The following GDI2 variants were observed in gnomAD, a reference collection of about 807,000 sequenced individuals.
GDI2 encodes GDP dissociation inhibitor 2.
A neutral mutation model predicts 54.2 loss-of-function variants in GDI2; 22 were observed. The observed-to-expected ratio is 0.41, with a 90% CI of 0.29 to 0.58. GDI2 has a LOEUF of 0.58. Ranked by LOEUF, GDI2 falls within the 20% of genes least tolerant of loss-of-function variation. GDI2 has a pLI of 0.35. For missense variants in GDI2, 422 were observed against 546.0 expected (o/e 0.77, Z 2.26); for synonymous variants, 177 against 182.1 (o/e 0.97, Z 0.23).
intron 4 of GDI2, among the ~76,000 whole-genome samples, chr10:5,794,228 TATATAA>T (rs1241103138): frequency 1.1e-5 from 1 of 90,950 alleles, no homozygotes; most frequent in African/African-American, 4.3e-5. Flanking sequence ...TATATATATA[TATATAA>T]AACTCACCAG....
chr10:5,786,457 G>GCGCCTAAA (rs1840883483), intron 4 of GDI2, among the ~76,000 whole-genome samples: 2 of 151,828 alleles, frequency 1.3e-5, no homozygotes, highest in African/African-American at 4.8e-5. Flanking sequence ...ATGAGCCACC[G>GCGCCTAAA]CGCCTAAAAT....
At chr10:5,805,107 C>T (rs1841347512) in intron 1 of GDI2, among the ~76,000 whole-genome samples, 2 of 152,110 alleles carry the variant, frequency 1.3e-5, no homozygotes, top group African/African-American at 4.8e-5. Flanking sequence ...GCTGTGATTA[C>T]AGGGGTGAGC....
intron 7 of GDI2, among the ~76,000 whole-genome samples, chr10:5,772,475 G>A (rs2131683507): frequency 6.6e-6 from 1 of 152,304 alleles, no homozygotes; most frequent in South Asian, 2.1e-4. Context: ...CAGTCTAGAA[G>A]GCCAGGCACA....
chr10:5,789,484 T>C (rs1354699286), intron 4 of GDI2, among the ~76,000 whole-genome samples: 1 of 151,924 alleles, frequency 6.6e-6, no homozygotes, highest in African/African-American at 2.4e-5. Flanking sequence ...TTCCCAGGTG[T>C]GAACATAGCA....
chr10:5,772,621 G>A (rs1564388516), intron 7 of GDI2, among the ~76,000 whole-genome samples: 1 of 152,124 alleles, frequency 6.6e-6, no homozygotes, highest in Non-Finnish European at 1.5e-5. Context: ...GCCAGGCATG[G>A]TGGCATGCAT....
chr10:5,797,041 T>C (rs1427382489), intron 2 of GDI2, among the ~76,000 whole-genome samples, 179 bp from the exon 3 acceptor site: 1 of 152,170 alleles, frequency 6.6e-6, no homozygotes, highest in Non-Finnish European at 1.5e-5. Flanking sequence ...TATATGTAAA[T>C]TAATTACTAA....
chr10:5,794,185 AAAAATATATATATATATATATATATAT>A lies in GDI2; in HGVS notation c.388+673_388+699del, dbSNP rs1466673539. On this transcript the variant is annotated intron_variant, in intron 4 of 10. Coordinates refer to ENST00000380191, the MANE Select transcript of GDI2 (RefSeq NM_001494.4). ...CTGTCTTTAAAAGAAAAAAAAAAAA[AAAAATATATATATATATATATATATAT>A]ATATATATATATATATATATAAAAC... 6.6e-4 allele frequency among the ~76,000 whole-genome samples: 31 copies of A among 46,872 alleles called. 4 individuals carry two copies. The highest frequency in any genetic ancestry group is 9.7e-4 in the Admixed American group (3 of 3,108). The allele number at this position is 46,872 out of a possible 152,430, so 30.7% of individuals were successfully genotyped here. A position where few individuals can be genotyped will look rare whatever the true frequency, so the allele number is the denominator to read the frequency against.
chr10:5,794,793 T>A, intron 4 of GDI2, 92 bp downstream of exon 4: 1 of 838,378 alleles, frequency 1.2e-6, no homozygotes, highest in South Asian at 1.6e-5. Flanking sequence ...AAATATTTGT[T>A]GACTGGGTCC....
chr10:5,785,100 A>G, intron 6 of GDI2, 42 bp downstream of exon 6: 2 of 1,449,534 alleles, frequency 1.4e-6, no homozygotes, highest in South Asian at 1.3e-5. Flanking sequence ...TATGTTGAAG[A>G]TGAGGTTTTG....
At chr10:5,771,639 T>A (rs1035924602) in intron 7 of GDI2, among the ~76,000 whole-genome samples, 2 of 146,220 alleles carry the variant, frequency 1.4e-5, no homozygotes, top group African/African-American at 2.4e-5. Flanking sequence ...AAAATCCTTA[T>A]CATCTTAAGG....
At chr10:5,780,078 G>A (rs1297373499) in intron 6 of GDI2, among the ~76,000 whole-genome samples, 1 of 151,942 alleles carries the variant, frequency 6.6e-6, no homozygotes, top group Non-Finnish European at 1.5e-5. Context: ...GTGGGGTGGT[G>A]CATGCCTGTA....
intron 6 of GDI2, among the ~76,000 whole-genome samples, chr10:5,782,171 A>G (rs1834600357): frequency 6.6e-6 from 1 of 152,244 alleles, no homozygotes; most frequent in South Asian, 2.1e-4. Context: ...AATGTGCAAA[A>G]GACTTGAACA....
At position 5,776,787 on chromosome 10, in the gene GDI2, C is replaced by T; in HGVS notation, c.720-2846G>A. ...AAGGACATTCCAATCCCCAATCTTC[C>T]TCCCTTGGATTTTCCATCTCCAGAA... On this transcript the variant is annotated intron_variant, in intron 6 of 10. Coordinates refer to ENST00000380191, the MANE Select transcript of GDI2 (RefSeq NM_001494.4). This position sits in a 1 kb window ranked among gnomAD's most constrained non-coding sequence, Gnocchi z 5.3. The T allele has an allele frequency of 6.5e-7, 1 of 1,531,982 alleles. No individual in the cohort carries two copies. Among genetic ancestry groups the T allele is most frequent in the African/African-American group, 1.4e-5 (1 of 72,820 alleles). The allele number at this position is 1,531,982 out of a possible 1,614,324, so 94.9% of individuals were successfully genotyped here. A position where few individuals can be genotyped will look rare whatever the true frequency, so the allele number is the denominator to read the frequency against.
chr10:5,799,008 A>C (rs1841206581), intron 2 of GDI2, among the ~76,000 whole-genome samples: 1 of 152,048 alleles, frequency 6.6e-6, no homozygotes, highest in South Asian at 2.1e-4. Flanking sequence ...AAACAAAATT[A>C]AGAAAAGAAA....
At chr10:5,788,783 A>C (rs931951169) in intron 4 of GDI2, among the ~76,000 whole-genome samples, 3 of 151,778 alleles carry the variant, frequency 2.0e-5, no homozygotes, top group Admixed American at 1.3e-4. Context: ...TTTTTTTAAA[A>C]GGAGTCTCAC....
chr10:5,785,252 A>G lies in GDI2; in HGVS notation c.609T>C (p.Tyr203=), dbSNP rs746125355. 2.5e-6 allele frequency: 4 copies of G among 1,602,406 alleles called. No homozygotes were observed. Among genetic ancestry groups the G allele is most frequent in the South Asian group, 1.1e-5 (1 of 90,488 alleles). Residue 203 remains tyrosine, a synonymous_variant, in exon 6 of 11, where the codon TAT becomes TAC. Coordinates refer to ENST00000380191, the MANE Select transcript of GDI2 (RefSeq NM_001494.4). ...RTDDYLDQPC[Y]ETINRIKLYS... ...AAAGTTTAATTCTATTAATGGTTTC[A>G]TAACACGGTTGATCTAAGTAACTGG... is the stretch of plus-strand genomic sequence containing the variant.
At position 5,773,889 on chromosome 10, in the gene GDI2, T is replaced by C. The variant is rs1016039023; in HGVS notation, c.772A>G (p.Ile258Val). ...TYMLNKPIEE[I>V]IVQNGKVIGV... ...ATTACTTTTCCATTCTGTACAATGA[T>C]TTCTTCAATGGGTTTATTCAGCATA... The change falls in exon 7 of 11, where the codon ATC (isoleucine) becomes GTC (valine). Residue 258 changes from isoleucine (I) to valine (V), a missense_variant. Ile to Val is a conservative substitution (Grantham distance 29). Transcript: ENST00000380191. The C allele has an allele frequency of 4.5e-6, 7 of 1,567,994 alleles. No individual in the cohort carries two copies. The highest frequency in any genetic ancestry group is 1.4e-5 in the African/African-American group (1 of 73,932).
At chr10:5,809,152 G>A (rs989950549) in intron 1 of GDI2, among the ~76,000 whole-genome samples, 3 of 150,982 alleles carry the variant, frequency 2.0e-5, no homozygotes, top group African/African-American at 7.3e-5. Flanking sequence ...GGCTGAGACA[G>A]GAGAACTGCT....
At chr10:5,798,280 G>GT (rs1178312315) in intron 2 of GDI2, among the ~76,000 whole-genome samples, 3 of 152,178 alleles carry the variant, frequency 2.0e-5, no homozygotes, top group South Asian at 2.1e-4. Context: ...AGCAAAATTA[G>GT]TAAGTATTTA....
Sources: allele counts gnomAD v4.1 joint callset (sites outside exome capture counted in the v4.1 genomes callset), GRCh38; gene constraint gnomAD v4.1.1; non-coding constraint Gnocchi (gnomAD v3.1); transcripts MANE v1.5; gene names NCBI Gene and HGNC (gene_info 2026-07-23, HGNC 2026-07-21).